PIP5K1B: variants seen among roughly 807,000 people sequenced by gnomAD.
PIP5K1B encodes phosphatidylinositol-4-phosphate 5-kinase type 1 beta, also known as phosphatidylinositol 4-phosphate 5-kinase type-1 beta.
PIP5K1B carries 42 observed loss-of-function variants against 67.0 expected under a neutral mutation model. That is an observed-to-expected ratio of 0.63 (90% CI 0.49 to 0.81). The LOEUF is 0.81. PIP5K1B is among the 30% of genes least tolerant of loss of function. The pLI is 0.00. For synonymous variants in PIP5K1B, 214 were observed against 231.4 expected, an observed-to-expected ratio of 0.92 and a Z score of 0.68; for missense variants, 459 against 646.3, an observed-to-expected ratio of 0.71 and a Z score of 3.14.
At chr9:68,913,153 GTA>G (rs1309660347) in intron 8 of PIP5K1B, among the ~76,000 whole-genome samples, 11 of 152,220 alleles carry the variant, frequency 7.2e-5, no homozygotes, top group African/African-American at 2.7e-4. Context: ...AAGCCTTGCA[GTA>G]TTCCAACTTG....
chr9:68,793,557 A>G (rs1832119355), intron 2 of PIP5K1B, among the ~76,000 whole-genome samples: 2 of 152,172 alleles, frequency 1.3e-5, no homozygotes, highest in African/African-American at 4.8e-5. Context: ...GAAGTTAAGC[A>G]TAACTGAAAG....
Position 68,746,261 on chromosome 9 carries a change from T to A in PIP5K1B, c.-86+3604T>A, listed in dbSNP as rs546359510. 3.9e-5 allele frequency among the ~76,000 whole-genome samples: 6 copies of A among 152,076 alleles called. No homozygotes were observed. In the East Asian group the frequency reaches 7.7e-4, roughly 20 times the overall value. ...GCCTGGCTAATTTTTGTATTTTTAGTAGAGACTGGGTTTTGCTATGTTGGC... is the reference window on the plus strand; with the variant it reads ...GCCTGGCTAATTTTTGTATTTTTAGAAGAGACTGGGTTTTGCTATGTTGGC... On this transcript the variant is annotated intron_variant, in intron 2 of 15. Transcript: ENST00000265382.
chr9:68,715,552 T>G (rs1827594416), intron 1 of PIP5K1B, among the ~76,000 whole-genome samples: 1 of 152,190 alleles, frequency 6.6e-6, no homozygotes, highest in African/African-American at 2.4e-5. Context: ...ATCCCCAGTC[T>G]AGGACAGGAC....
chr9:68,799,648 G>A (rs148731483), intron 2 of PIP5K1B, among the ~76,000 whole-genome samples: 13 of 152,330 alleles, frequency 8.5e-5, no homozygotes, highest in Admixed American at 7.8e-4. Flanking sequence ...GGGAAAGATA[G>A]TACCTTCAAC....
At chr9:68,996,023 T>C (rs1424312009) in intron 15 of PIP5K1B, among the ~76,000 whole-genome samples, 8 of 152,224 alleles carry the variant, frequency 5.3e-5, no homozygotes, top group Admixed American at 2.6e-4. Context: ...ATGCTTCTTC[T>C]CCTTTAAGAT....
At chr9:68,735,580 G>A (rs1387135465) in intron 1 of PIP5K1B, among the ~76,000 whole-genome samples, 1 of 152,000 alleles carries the variant, frequency 6.6e-6, no homozygotes, top group Non-Finnish European at 1.5e-5. Context: ...AGTAGAGATG[G>A]CGTTTAGCCA....
intron 4 of PIP5K1B, among the ~76,000 whole-genome samples, chr9:68,853,530 C>G (rs1337802262): frequency 2.0e-5 from 3 of 152,140 alleles, no homozygotes; most frequent in Non-Finnish European, 4.4e-5. Flanking sequence ...ATGCAATAGA[C>G]TATAGTATTT....
At chr9:68,780,331 C>A in intron 2 of PIP5K1B, 1 of 1,606,118 alleles carries the variant, frequency 6.2e-7, no homozygotes, top group Middle Eastern at 1.7e-4. Flanking sequence ...GCCGAGGCGC[C>A]GAGCGCCAGG....
chr9:68,923,606 T>C (rs1189703946), intron 12 of PIP5K1B, among the ~76,000 whole-genome samples: 1 of 152,170 alleles, frequency 6.6e-6, no homozygotes, highest in Non-Finnish European at 1.5e-5. Context: ...TGTCCAACCA[T>C]ATAATATATT....
intron 2 of PIP5K1B, chr9:68,781,034 T>C: frequency 6.2e-7 from 1 of 1,609,574 alleles, no homozygotes; most frequent in Non-Finnish European, 8.5e-7. Context: ...AGTGATTCAC[T>C]CATCCTGAGA....
intron 5 of PIP5K1B, 60 bp downstream of exon 5, chr9:68,864,027 C>T: frequency 6.6e-7 from 1 of 1,520,942 alleles, no homozygotes; most frequent in South Asian, 1.1e-5. Flanking sequence ...GTGACAACCC[C>T]ATATTGAAGG....
chr9:68,819,497 T>C (rs969286008), intron 3 of PIP5K1B, among the ~76,000 whole-genome samples: 1 of 152,244 alleles, frequency 6.6e-6, no homozygotes, highest in African/African-American at 2.4e-5. Flanking sequence ...GGTCTCATAC[T>C]ACTGGCCTAA....
At chr9:68,726,806 G>C (rs1370798115) in intron 1 of PIP5K1B, among the ~76,000 whole-genome samples, 1 of 152,198 alleles carries the variant, frequency 6.6e-6, no homozygotes, top group Non-Finnish European at 1.5e-5. Flanking sequence ...CACATGGTAT[G>C]ATCGTTCTTT....
intron 6 of PIP5K1B, among the ~76,000 whole-genome samples, chr9:68,879,149 T>C (rs184383590): frequency 3.3e-5 from 5 of 152,348 alleles, no homozygotes; most frequent in African/African-American, 9.6e-5. Context: ...AATAATATCA[T>C]GGTTCTATTT....
intron 15 of PIP5K1B, among the ~76,000 whole-genome samples, chr9:68,992,839 CAAAAAAAAAAAAA>C (rs201517701): frequency 2.8e-4 from 16 of 57,576 alleles, no homozygotes; most frequent in Non-Finnish European, 3.8e-4. Flanking sequence ...GACCCTGTCT[CAAAAAAAAAAAAA>C]AAAAAAAAAA....
At chr9:68,900,080 G>A (rs1825284776) in intron 8 of PIP5K1B, among the ~76,000 whole-genome samples, 1 of 152,154 alleles carries the variant, frequency 6.6e-6, no homozygotes, top group Admixed American at 6.5e-5. Context: ...CATCCATGTT[G>A]CTGCAAAGGA....
chr9:68,951,225 G>T (rs1011766456), intron 14 of PIP5K1B, among the ~76,000 whole-genome samples: 2 of 152,152 alleles, frequency 1.3e-5, no homozygotes, highest in African/African-American at 4.8e-5. Flanking sequence ...GTGTGTGGAA[G>T]GTCACAAATA....
At chr9:68,921,211 G>C (rs1282451366) in intron 11 of PIP5K1B, among the ~76,000 whole-genome samples, 1 of 151,856 alleles carries the variant, frequency 6.6e-6, no homozygotes, top group Non-Finnish European at 1.5e-5. Context: ...TGGTAGTCCT[G>C]GCTACTCAAG....
chr9:68,935,689 C>T (rs558438143), intron 13 of PIP5K1B, among the ~76,000 whole-genome samples: 4 of 152,284 alleles, frequency 2.6e-5, no homozygotes, highest in African/African-American at 7.2e-5. Context: ...CACATATGCA[C>T]GAGTACACAT....
Sources: gnomAD v4.1 joint callset for allele counts (sites outside exome capture counted in the v4.1 genomes callset) on GRCh38, gnomAD v4.1.1 for gene constraint, MANE v1.5 for transcripts, NCBI Gene and HGNC (gene_info 2026-07-23, HGNC 2026-07-21) for gene names.